ITPR1: variants seen among roughly 807,000 people sequenced by gnomAD.
ITPR1 encodes the protein inositol 1,4,5-trisphosphate-gated calcium channel ITPR1.
ITPR1 carries 96 observed loss-of-function variants against 318.4 expected under a neutral mutation model. That is an observed-to-expected ratio of 0.30 (90% CI 0.26 to 0.36). The LOEUF is 0.36. Ranked by LOEUF, ITPR1 falls within the 10% of genes least tolerant of loss-of-function variation. The pLI is 1.00. For synonymous variants in ITPR1, 1,312 were observed against 1,289.9 expected (o/e 1.02, Z -0.37); for missense variants, 2,440 against 3,460.2 (o/e 0.71, Z 7.40).
chr3:4,778,946 G>A (rs1424805569), intron 48 of ITPR1, among the ~76,000 whole-genome samples: 1 of 152,212 alleles, frequency 6.6e-6, no homozygotes, highest in African/African-American at 2.4e-5. Context: ...CAGGATGTGG[G>A]GTGTGAACAT....
intron 60 of ITPR1, among the ~76,000 whole-genome samples, chr3:4,827,992 G>T (rs1386618166): frequency 6.6e-6 from 1 of 151,970 alleles, no homozygotes; most frequent in African/African-American, 2.4e-5. Flanking sequence ...CTTTCTCGGT[G>T]TGTCTAGGCG....
chr3:4,688,548 G>A lies in ITPR1; in HGVS notation c.3756G>A (p.Gln1252=), dbSNP rs369352810. ...EIMRLAHEFL[Q]NFCAGNQQNQ... ...TGAGGTTGGCTCATGAATTTTTGCA[G>A]AATTTCTGCGCAGGCAACCAGCAGA... The change falls in exon 31 of 62, where the codon CAG becomes CAA. Residue 1252 remains glutamine (Q), a synonymous_variant. Transcript: ENST00000649015. 54 of 1,613,892 alleles carry A rather than the reference G, an allele frequency of 3.3e-5. No homozygotes were observed. The highest frequency in any genetic ancestry group is 4.3e-5 in the Non-Finnish European group (51 of 1,179,862).
intron 40 of ITPR1, among the ~76,000 whole-genome samples, chr3:4,719,903 G>C (rs1429802229): frequency 6.6e-6 from 1 of 152,132 alleles, no homozygotes; most frequent in Non-Finnish European, 1.5e-5. Flanking sequence ...TTAATCCCCT[G>C]GGGCTGGGGC....
chr3:4,539,984 CAAAAAA>C (rs749264815), intron 4 of ITPR1, among the ~76,000 whole-genome samples: 2 of 94,510 alleles, frequency 2.1e-5, no homozygotes, highest in Non-Finnish European at 2.4e-5. Context: ...GACTAAGATG[CAAAAAA>C]AAAAAAAAAA....
chr3:4,594,660 A>G (rs1161046254), intron 4 of ITPR1, among the ~76,000 whole-genome samples: 1 of 152,108 alleles, frequency 6.6e-6, no homozygotes, highest in Admixed American at 6.6e-5. Context: ...GCACCTACCC[A>G]TTGAGGGAGC....
At chr3:4,706,391 C>G (rs754867942) in intron 37 of ITPR1, 40 bp downstream of exon 37, 2 of 1,540,132 alleles carry the variant, frequency 1.3e-6, no homozygotes, top group Non-Finnish European at 1.8e-6. Context: ...TTAGCCTGGC[C>G]TCACGTGATT....
chr3:4,753,111 C>G (rs1482324072), intron 44 of ITPR1, among the ~76,000 whole-genome samples: 2 of 152,178 alleles, frequency 1.3e-5, no homozygotes, highest in African/African-American at 4.8e-5. Context: ...AAGAGTATTT[C>G]AGAAGAGGGT....
chr3:4,777,302 C>T lies in ITPR1; in HGVS notation c.6219C>T (p.Ile2073=). ...CCCATGAATCCAATGGCATTGACAT[C>T]ATCACAGCCCTGATCCTCAATGATA... ...IATHESNGID[I]ITALILNDIN... is the part of the protein sequence containing the mutation. Residue 2073 remains isoleucine (I), a synonymous_variant, in exon 48 of 62, where the codon ATC becomes ATT. Transcript: ENST00000649015. The T allele has an allele frequency of 1.2e-6, 2 of 1,607,222 alleles. No individual in the cohort carries two copies.
intron 44 of ITPR1, among the ~76,000 whole-genome samples, chr3:4,754,050 G>C (rs865921021): frequency 8.1e-6 from 1 of 123,314 alleles, no homozygotes; most frequent in Non-Finnish European, 1.9e-5. Flanking sequence ...ACAGAAAATG[G>C]GGGGGGGGTG....
intron 52 of ITPR1, among the ~76,000 whole-genome samples, chr3:4,788,392 A>T (rs2047338892): frequency 6.6e-6 from 1 of 152,216 alleles, no homozygotes; most frequent in Admixed American, 6.5e-5. Flanking sequence ...GCTCCATGGA[A>T]GACTTTTTGA....
In ITPR1 at chr3:4,688,671, G is replaced by A. The variant is rs144489602; in HGVS notation, c.3828+51G>A. 2.9e-4 allele frequency: 455 copies of A among 1,570,934 alleles called. 1 individual carries two copies. In the African/African-American group the frequency reaches 5.3e-3, roughly 18 times the overall value. On this transcript the variant is annotated intron_variant, in intron 31 of 61. Transcript: ENST00000649015. ...TCTATAGAGGGAGGAGGGCAGGGAA[G>A]AGGGAGGAGGAACAGCTTGTTCTTT... is the stretch of plus-strand genomic sequence containing the variant.
At chr3:4,611,911 C>T (rs992911080) in intron 4 of ITPR1, among the ~76,000 whole-genome samples, 1 of 151,650 alleles carries the variant, frequency 6.6e-6, no homozygotes, top group Non-Finnish European at 1.5e-5. Context: ...CAATGACTCT[C>T]CATGCACAGT....
intron 44 of ITPR1, among the ~76,000 whole-genome samples, chr3:4,752,057 G>A (rs1194631064): frequency 1.3e-5 from 2 of 152,174 alleles, no homozygotes; most frequent in East Asian, 3.8e-4. Flanking sequence ...TTTTGATCAA[G>A]ATGGCTCTGA....
intron 4 of ITPR1, among the ~76,000 whole-genome samples, chr3:4,614,768 T>C (rs1432238039): frequency 1.3e-5 from 2 of 152,226 alleles, no homozygotes; most frequent in African/African-American, 4.8e-5. Context: ...TTTCAGCACA[T>C]AGACAAGGCT....
chr3:4,687,718 T>C (rs1559697225), intron 30 of ITPR1, among the ~76,000 whole-genome samples: 1 of 152,236 alleles, frequency 6.6e-6, no homozygotes, highest in Non-Finnish European at 1.5e-5. Context: ...AATATTTAAC[T>C]CTAAAATACT....
chr3:4,639,338 A>G, intron 5 of ITPR1, 46 bp from the exon 6 acceptor site: 1 of 1,408,862 alleles, frequency 7.1e-7, no homozygotes, highest in Non-Finnish European at 9.8e-7. Flanking sequence ...GTGGGATAGA[A>G]CACATGGTTT....
intron 4 of ITPR1, among the ~76,000 whole-genome samples, chr3:4,576,662 T>C (rs560784166): frequency 6.6e-6 from 1 of 152,374 alleles, no homozygotes; most frequent in East Asian, 1.9e-4. Flanking sequence ...TGGAGCCCGT[T>C]ATCCGTGGAA....
chr3:4,691,450 G>GA (rs1357122661), intron 32 of ITPR1, 106 bp downstream of exon 32: 2 of 723,022 alleles, frequency 2.8e-6, no homozygotes, highest in Non-Finnish European at 4.7e-6. Flanking sequence ...GAGCCATACA[G>GA]AAGGACAGAA....
chr3:4,532,429 A>G (rs304057), intron 4 of ITPR1, among the ~76,000 whole-genome samples: 2 of 151,736 alleles, frequency 1.3e-5, no homozygotes, highest in Non-Finnish European at 2.9e-5. Context: ...CAGTGATGCA[A>G]TCAAGGCCCA....
Sources: gnomAD v4.1 joint callset for allele counts (sites outside exome capture counted in the v4.1 genomes callset) on GRCh38, gnomAD v4.1.1 for gene constraint, MANE v1.5 for transcripts, NCBI Gene and HGNC (gene_info 2026-07-23, HGNC 2026-07-21) for gene names.